The following SESTD1 variants were observed in gnomAD, a reference collection of about 807,000 sequenced individuals.
SESTD1 encodes SEC14 domain and spectrin repeat-containing protein 1.
Under a neutral mutation model 101.7 loss-of-function variants are expected in SESTD1, and 43 were observed. The observed-to-expected ratio is 0.42, with a 90% CI of 0.33 to 0.55. The LOEUF (loss-of-function observed/expected upper bound fraction) is 0.55. Among genes scored for constraint, SESTD1 ranks in the 20% least tolerant of loss-of-function variants. The pLI, the probability that SESTD1 is intolerant of heterozygous loss-of-function variation, is 0.07. For missense variants in SESTD1, 647 were observed against 815.1 expected, an observed-to-expected ratio of 0.79 and a Z score of 2.51; for synonymous variants, 283 against 286.8, an observed-to-expected ratio of 0.99 and a Z score of 0.13.
chr2:179,163,612 A>G (rs920775114), intron 5 of SESTD1, among the ~76,000 whole-genome samples: 2 of 151,202 alleles, frequency 1.3e-5, no homozygotes, highest in Admixed American at 1.3e-4. Context: ...CTGCACAAGC[A>G]TTTCAAACTT....
chr2:179,232,390 A>G (rs2047000630), intron 1 of SESTD1, among the ~76,000 whole-genome samples: 1 of 152,086 alleles, frequency 6.6e-6, no homozygotes, highest in Non-Finnish European at 1.5e-5. Flanking sequence ...GACAAAATAA[A>G]TCAGCTGGGT....
At chr2:179,230,585 T>C (rs936705833) in intron 1 of SESTD1, among the ~76,000 whole-genome samples, 1 of 151,780 alleles carries the variant, frequency 6.6e-6, no homozygotes, top group Non-Finnish European at 1.5e-5. Context: ...AGTAAAACCT[T>C]AATAAAAGGC....
chr2:179,240,669 C>A (rs1039735648), intron 1 of SESTD1, among the ~76,000 whole-genome samples: 1 of 152,170 alleles, frequency 6.6e-6, no homozygotes, highest in African/African-American at 2.4e-5. Flanking sequence ...GCCCAAAATA[C>A]ACAAAACACT....
rs1019107536 is a variant in SESTD1, at chr2:179,239,025, G to A, written c.-26+25474C>T. On this transcript the variant is annotated intron_variant, in intron 1 of 17. Transcript: ENST00000428443. ...CAAGAGTGTCTCATTTATTAATCAC[G>A]ACTAATGTTTGATTTCTCTGCTGTA... Among the ~76,000 whole-genome samples the A allele has an allele frequency of 2.6e-5, 4 of 152,106 alleles. No individual in the cohort carries two copies. In the East Asian group the frequency reaches 7.7e-4, roughly 29 times the overall value.
At chr2:179,185,663 A>AATAATATAGCATATT (rs1559134164) in intron 2 of SESTD1, among the ~76,000 whole-genome samples, 16 of 67,414 alleles carry the variant, frequency 2.4e-4, no homozygotes, top group South Asian at 4.6e-4. Context: ...TAGCATATAC[A>AATAATATAGCATATT]ATATATAATA....
chr2:179,235,938 T>C (rs548199188), intron 1 of SESTD1, among the ~76,000 whole-genome samples: 1 of 152,284 alleles, frequency 6.6e-6, no homozygotes, highest in South Asian at 2.1e-4. Context: ...CCTTTGTCCA[T>C]GAAATTCCTA....
intron 9 of SESTD1, among the ~76,000 whole-genome samples, chr2:179,138,443 C>G (rs1016892471): frequency 3.9e-5 from 6 of 152,096 alleles, no homozygotes; most frequent in African/African-American, 7.2e-5. Flanking sequence ...AAGATCAACA[C>G]TACCCCAAAA....
In SESTD1 at chr2:179,106,633, A is replaced by ATTGC. The variant is rs1239471180; in HGVS notation, c.*3265_*3266insGCAA. 1 of 152,206 alleles carries ATTGC rather than the reference A, an allele frequency of 6.6e-6. No homozygotes were observed. Among genetic ancestry groups the ATTGC allele is most frequent in the Admixed American group, 6.6e-5 (1 of 15,266 alleles). 9.4% of individuals were successfully genotyped at this position (152,206 alleles called of 1,614,324 possible). The stretch of plus-strand genomic sequence containing the variant: ...AATAACAAACATGTTAAGACTAGCT[A>ATTGC]ACACATGGGAGCAATAGCCAATGTA... On this transcript the variant is annotated 3_prime_UTR_variant, in exon 18 of 18. Transcript: ENST00000428443.
chr2:179,257,925 C>G (rs143780035), intron 1 of SESTD1, among the ~76,000 whole-genome samples: 1 of 152,158 alleles, frequency 6.6e-6, no homozygotes, highest in Non-Finnish European at 1.5e-5. Flanking sequence ...CACATAACCA[C>G]CAGTCTTCAA....
At chr2:179,239,627 A>G (rs1399661717) in intron 1 of SESTD1, among the ~76,000 whole-genome samples, 2 of 152,186 alleles carry the variant, frequency 1.3e-5, no homozygotes, top group African/African-American at 2.4e-5. Flanking sequence ...AGGCACAGGA[A>G]TTATTTCAGA....
intron 5 of SESTD1, among the ~76,000 whole-genome samples, chr2:179,163,757 T>C (rs758887483): frequency 4.6e-5 from 7 of 152,258 alleles, no homozygotes; most frequent in East Asian, 3.9e-4. Flanking sequence ...TAAACCACAA[T>C]ATTGTATTAA....
At chr2:179,157,085 TCC>T (rs2045646935) in intron 5 of SESTD1, among the ~76,000 whole-genome samples, 1 of 152,036 alleles carries the variant, frequency 6.6e-6, no homozygotes, top group Non-Finnish European at 1.5e-5. Context: ...GGGTGTCCTT[TCC>T]CCACTTTATG....
In SESTD1 at chr2:179,105,042, G is replaced by C. The variant is rs1236005886; in HGVS notation, c.*4857C>G. The C allele has an allele frequency of 6.6e-6, 1 of 152,054 alleles. No homozygotes were observed. The highest frequency in any genetic ancestry group is 1.5e-5 in the Non-Finnish European group (1 of 68,008). The allele number at this position is 152,054 out of a possible 1,614,324, so 9.4% of individuals were successfully genotyped here. Reference sequence around the variant, plus strand: ...CCCTGTATTTATGCCAGCTCACGGAGTGTCCTTAGTTCTATGCCTCTATTA... The same window carrying C: ...CCCTGTATTTATGCCAGCTCACGGACTGTCCTTAGTTCTATGCCTCTATTA... On this transcript the variant is annotated 3_prime_UTR_variant, in exon 18 of 18. Coordinates refer to ENST00000428443, the MANE Select transcript of SESTD1 (RefSeq NM_178123.5).
rs2044465846 is a variant in SESTD1, at chr2:179,109,772, T to C, written c.*127A>G. Reference sequence around the variant, plus strand: ...CAAGGTGTTAACATGTAAAGAGAAATGTGTCATGAAAAGAAATGAGACTTA... The same window carrying C: ...CAAGGTGTTAACATGTAAAGAGAAACGTGTCATGAAAAGAAATGAGACTTA... On this transcript the variant is annotated 3_prime_UTR_variant, in exon 18 of 18. Transcript: ENST00000428443. 4.1e-6 allele frequency: 5 copies of C among 1,214,610 alleles called. No homozygotes were observed. Among genetic ancestry groups the C allele is most frequent in the Non-Finnish European group, 5.7e-6 (5 of 871,500 alleles). The allele number at this position is 1,214,610 out of a possible 1,614,324, so 75.2% of individuals were successfully genotyped here.
At position 179,165,411 on chromosome 2, in the gene SESTD1, T is replaced by C. The variant is rs544176861; in HGVS notation, c.369+6709A>G. ...ACCAGAGCATCTCTGAGCAGATGCC[T>C]ATTTAGTTTAAGCAGGATGTGACAG... On this transcript the variant is annotated intron_variant, in intron 5 of 17. Coordinates refer to ENST00000428443, the MANE Select transcript of SESTD1 (RefSeq NM_178123.5). 1.5e-4 allele frequency among the ~76,000 whole-genome samples: 23 copies of C among 152,336 alleles called. 1 individual carries two copies. Among genetic ancestry groups the C allele is most frequent in the Non-Finnish European group, 2.5e-4 (17 of 68,028 alleles).
At chr2:179,200,407 A>G (rs937535691) in intron 1 of SESTD1, among the ~76,000 whole-genome samples, 5 of 152,034 alleles carry the variant, frequency 3.3e-5, no homozygotes, top group African/African-American at 1.2e-4. Context: ...TCTTCACAGA[A>G]TTGGAAAAAA....
intron 1 of SESTD1, among the ~76,000 whole-genome samples, chr2:179,256,595 G>A (rs540470382): frequency 7.2e-5 from 11 of 152,200 alleles, no homozygotes; most frequent in African/African-American, 2.2e-4. Flanking sequence ...GGCAGATCAC[G>A]AGGTCAGGAG....
intron 1 of SESTD1, among the ~76,000 whole-genome samples, chr2:179,239,393 GT>G (rs397736076): frequency 2.0e-5 from 3 of 149,560 alleles, no homozygotes; most frequent in African/African-American, 7.3e-5. Flanking sequence ...GAAGTACAAG[GT>G]TTTTTTTTTG....
At position 179,112,716 on chromosome 2, in the gene SESTD1, C is replaced by A; in HGVS notation, c.1961+8G>T. Reference sequence around the variant, plus strand: ...TAAAAAATAAAATTATAAGAACATGCCCCATACCCATCAGGATAAACTACT... The same window carrying A: ...TAAAAAATAAAATTATAAGAACATGACCCATACCCATCAGGATAAACTACT... On this transcript the variant is annotated splice_region_variant and intron_variant, in intron 17 of 17. Coordinates refer to ENST00000428443, the MANE Select transcript of SESTD1 (RefSeq NM_178123.5). 3.1e-6 allele frequency: 5 copies of A among 1,606,214 alleles called. No individual in the cohort carries two copies. The highest frequency in any genetic ancestry group is 4.2e-6 in the Non-Finnish European group (5 of 1,178,448).
Sources: allele counts gnomAD v4.1 joint callset (sites outside exome capture counted in the v4.1 genomes callset), GRCh38; gene constraint gnomAD v4.1.1; transcripts MANE v1.5; gene names NCBI Gene and HGNC (gene_info 2026-07-23, HGNC 2026-07-21).